NR3C2: variants seen among roughly 807,000 people sequenced by gnomAD.
The protein encoded by NR3C2 is mineralocorticoid receptor.
NR3C2 carries 15 observed loss-of-function variants against 86.4 expected under a neutral mutation model. That is an observed-to-expected ratio of 0.17 (90% CI 0.12 to 0.27). NR3C2 has a LOEUF of 0.27. Among genes scored for constraint, NR3C2 ranks in the 10% least tolerant of loss-of-function variants. The pLI, the probability that NR3C2 is intolerant of heterozygous loss-of-function variation, is 1.00. For synonymous variants in NR3C2, 458 were observed against 450.5 expected (o/e 1.02, Z -0.21); for missense variants, 960 against 1,195.6 (o/e 0.80, Z 2.91).
chr4:148,221,719 C>T (rs1737857341), intron 3 of NR3C2, among the ~76,000 whole-genome samples: 1 of 151,868 alleles, frequency 6.6e-6, no homozygotes, highest in Admixed American at 6.6e-5. Context: ...ATGGTGAAAG[C>T]CCATCTCTAC....
intron 2 of NR3C2, among the ~76,000 whole-genome samples, chr4:148,394,327 C>T (rs972245316): frequency 4.6e-5 from 7 of 151,156 alleles, no homozygotes; most frequent in African/African-American, 1.5e-4. Flanking sequence ...TAAGCAGAAA[C>T]AGAAAACCAA....
At chr4:148,278,179 G>GCCACCT (rs746284709) in intron 2 of NR3C2, among the ~76,000 whole-genome samples, 153 of 151,994 alleles carry the variant, frequency 1.0e-3, no homozygotes, top group Non-Finnish European at 6.9e-4. Context: ...TCGGATCACT[G>GCCACCT]CCACCTCCAC....
At chr4:148,296,278 G>A (rs539546069) in intron 2 of NR3C2, among the ~76,000 whole-genome samples, 32 of 151,768 alleles carry the variant, frequency 2.1e-4, no homozygotes, top group African/African-American at 7.7e-4. Context: ...ATCACTTAAG[G>A]ATGGTACCAC....
intron 6 of NR3C2, among the ~76,000 whole-genome samples, chr4:148,144,610 G>A (rs1733777948): frequency 6.6e-6 from 1 of 152,110 alleles, no homozygotes; most frequent in African/African-American, 2.4e-5. Flanking sequence ...TTCTGGTTTT[G>A]GGGACTTGTA....
chr4:148,432,508 A>T (rs1749841493), intron 2 of NR3C2, among the ~76,000 whole-genome samples: 1 of 152,144 alleles, frequency 6.6e-6, no homozygotes, highest in African/African-American at 2.4e-5. Context: ...GACTGTGTGA[A>T]CTTCCTTGAA....
intron 2 of NR3C2, among the ~76,000 whole-genome samples, chr4:148,283,150 C>G (rs1186506812): frequency 3.9e-5 from 6 of 152,112 alleles, no homozygotes; most frequent in Admixed American, 3.9e-4. Flanking sequence ...TAAGCAGCAG[C>G]AATCAAAGGA....
intron 6 of NR3C2, among the ~76,000 whole-genome samples, chr4:148,130,829 T>TTTG (rs1560936984): frequency 1.3e-4 from 13 of 102,280 alleles, no homozygotes; most frequent in African/African-American, 3.9e-4. Context: ...GTTTTTTTTT[T>TTTG]TTTTTTTTTT....
chr4:148,395,713 G>C (rs1035880832), intron 2 of NR3C2, among the ~76,000 whole-genome samples: 3 of 152,164 alleles, frequency 2.0e-5, no homozygotes, highest in Admixed American at 2.0e-4. Flanking sequence ...GTTATGTTAT[G>C]TTGAGCTATA....
At chr4:148,443,222 CAAAAAAA>C (rs59506438), upstream of NR3C2, among the ~76,000 whole-genome samples, 35 of 40,988 alleles carry the variant, frequency 8.5e-4, no homozygotes, top group African/African-American at 2.4e-3. Flanking sequence ...CCCCTAACAC[CAAAAAAA>C]AAAAAAAAAA....
chr4:148,296,584 TA>T (rs77790802), intron 2 of NR3C2, among the ~76,000 whole-genome samples: 6,497 of 138,788 alleles, frequency 0.047, 390 homozygotes, highest in African/African-American at 0.15. Context: ...TCTGACCAAT[TA>T]AAAAAAAAAA....
At chr4:148,160,343 A>C (rs1258645800) in intron 4 of NR3C2, among the ~76,000 whole-genome samples, 2 of 151,122 alleles carry the variant, frequency 1.3e-5, no homozygotes, top group East Asian at 3.9e-4. Context: ...AGATCTCAAG[A>C]TTCACAAGAG....
intron 2 of NR3C2, among the ~76,000 whole-genome samples, chr4:148,261,184 C>T (rs571127039): frequency 4.6e-5 from 7 of 152,032 alleles, no homozygotes; most frequent in African/African-American, 1.2e-4. Context: ...CTATGGTCAG[C>T]GCTATGGTGC....
intron 2 of NR3C2, among the ~76,000 whole-genome samples, chr4:148,278,979 T>C (rs1035315530): frequency 6.6e-6 from 1 of 151,454 alleles, no homozygotes; most frequent in Non-Finnish European, 1.5e-5. Flanking sequence ...CCTGGCCACA[T>C]AGTGAAACCC....
intron 2 of NR3C2, among the ~76,000 whole-genome samples, chr4:148,318,964 T>G (rs1419732897): frequency 2.0e-5 from 3 of 151,442 alleles, no homozygotes; most frequent in Non-Finnish European, 4.4e-5. Context: ...GCCTATGTCC[T>G]GAATGGTAAT....
At chr4:148,099,666 A>C (rs1033356297) in intron 8 of NR3C2, among the ~76,000 whole-genome samples, 4 of 152,212 alleles carry the variant, frequency 2.6e-5, no homozygotes, top group Admixed American at 2.6e-4. Flanking sequence ...ACACTATGTA[A>C]ATCCCAGGTA....
At chr4:148,107,927 T>A (rs148866077) in intron 8 of NR3C2, among the ~76,000 whole-genome samples, 1 of 152,098 alleles carries the variant, frequency 6.6e-6, no homozygotes, top group Non-Finnish European at 1.5e-5. Context: ...GATGGGTTGA[T>A]AGGTGCAGCA....
intron 1 of NR3C2, among the ~76,000 whole-genome samples, chr4:148,438,687 A>G (rs1269622806): frequency 6.6e-6 from 1 of 152,232 alleles, no homozygotes; most frequent in Non-Finnish European, 1.5e-5. Flanking sequence ...ATAAATTTGC[A>G]TTAGATAAAT....
At chr4:148,130,028 G>A (rs1732944435) in intron 6 of NR3C2, among the ~76,000 whole-genome samples, 1 of 152,032 alleles carries the variant, frequency 6.6e-6, no homozygotes, top group African/African-American at 2.4e-5. Context: ...CTTGCTTTTT[G>A]CCTTTTTGTG....
intron 2 of NR3C2, among the ~76,000 whole-genome samples, chr4:148,351,158 CTTTTT>C (rs1175647331): frequency 2.6e-5 from 4 of 152,080 alleles, no homozygotes; most frequent in Admixed American, 6.5e-5. Flanking sequence ...CTTTTCTTTT[CTTTTT>C]GAGATGGAGT....
Sources: gnomAD v4.1 joint callset for allele counts (sites outside exome capture counted in the v4.1 genomes callset) on GRCh38, gnomAD v4.1.1 for gene constraint, MANE v1.5 for transcripts, NCBI Gene and HGNC (gene_info 2026-07-23, HGNC 2026-07-21) for gene names.